The following IFNG-AS1 variants were observed in gnomAD, a reference collection of about 807,000 sequenced individuals.
IFNG-AS1 encodes the protein IFNG regulatory antisense RNA 1, also known as IFNG antisense RNA 1 (non-protein coding).
chr12:68,016,142 T>G (rs569283426), intron 3 of IFNG-AS1, among the ~76,000 whole-genome samples: 4 of 152,260 alleles, frequency 2.6e-5, no homozygotes, highest in African/African-American at 9.6e-5. Context: ...GAAAACATTT[T>G]TATCAATTAT....
At chr12:68,013,140 A>G (rs919204940) in intron 3 of IFNG-AS1, among the ~76,000 whole-genome samples, 1 of 152,228 alleles carries the variant, frequency 6.6e-6, no homozygotes, top group South Asian at 2.1e-4. Flanking sequence ...CACTGAATAT[A>G]TCATTATCCA....
At chr12:68,005,047 T>C (rs552033261) in intron 2 of IFNG-AS1, among the ~76,000 whole-genome samples, 1 of 152,302 alleles carries the variant, frequency 6.6e-6, no homozygotes, top group East Asian at 1.9e-4. Flanking sequence ...GCAATCATGG[T>C]GGACAAGGTG....
chr12:68,009,087 G>T (rs1025519261), intron 3 of IFNG-AS1, among the ~76,000 whole-genome samples: 2 of 152,140 alleles, frequency 1.3e-5, no homozygotes, highest in South Asian at 4.1e-4. Flanking sequence ...TTGTGCCTTG[G>T]TTTCTTCAGT....
chr12:68,003,132 C>A (rs1331323181), intron 2 of IFNG-AS1, among the ~76,000 whole-genome samples: 1 of 152,118 alleles, frequency 6.6e-6, no homozygotes, highest in Non-Finnish European at 1.5e-5. Flanking sequence ...TTGCTAGAGT[C>A]CATTTCTGAC....
chr12:67,999,514 C>G (rs924326537), intron 2 of IFNG-AS1, among the ~76,000 whole-genome samples: 4 of 152,090 alleles, frequency 2.6e-5, no homozygotes, highest in African/African-American at 9.7e-5. Flanking sequence ...CAGAAGCCAA[C>G]TTGAAGGGGC....
intron 2 of IFNG-AS1, among the ~76,000 whole-genome samples, chr12:68,005,388 G>GCACACGTGCATACACATGCACA (rs1470879428): frequency 1.3e-5 from 2 of 152,094 alleles, no homozygotes; most frequent in East Asian, 1.9e-4. Context: ...ACACATGCAT[G>GCACACGTGCATACACATGCACA]CACACGTGCA....
intron 2 of IFNG-AS1, among the ~76,000 whole-genome samples, chr12:68,003,814 G>A (rs1229475345): frequency 6.6e-6 from 1 of 151,738 alleles, no homozygotes; most frequent in African/African-American, 2.4e-5. Context: ...GGCTGAGGCA[G>A]GAGAATGACG....
intron 3 of IFNG-AS1, among the ~76,000 whole-genome samples, chr12:68,011,779 C>A (rs1410562882): frequency 6.6e-6 from 1 of 152,156 alleles, no homozygotes; most frequent in Non-Finnish European, 1.5e-5. Flanking sequence ...GGTGTTGGGG[C>A]CTCACCGAGG....
intron 3 of IFNG-AS1, among the ~76,000 whole-genome samples, chr12:68,019,186 G>A (rs1212358684): frequency 6.6e-6 from 1 of 151,838 alleles, no homozygotes; most frequent in Non-Finnish European, 1.5e-5. Flanking sequence ...AGCAGATCTG[G>A]GTCTAAATCC....
At chr12:67,994,699 T>C (rs139423254) in intron 1 of IFNG-AS1, among the ~76,000 whole-genome samples, 74 of 152,342 alleles carry the variant, frequency 4.9e-4, no homozygotes, top group Non-Finnish European at 7.9e-4. Flanking sequence ...AGGGATCTTA[T>C]CTGGATGATG....
intron 2 of IFNG-AS1, among the ~76,000 whole-genome samples, chr12:68,004,074 C>T (rs1225681901): frequency 3.3e-5 from 5 of 151,938 alleles, no homozygotes; most frequent in East Asian, 1.9e-4. Flanking sequence ...GCCATGCCCC[C>T]TCACACCTGA....
intron 3 of IFNG-AS1, among the ~76,000 whole-genome samples, chr12:68,019,616 C>G (rs1880239006): frequency 6.6e-6 from 1 of 152,118 alleles, no homozygotes; most frequent in Non-Finnish European, 1.5e-5. Context: ...AGAGGGGCAC[C>G]CACACTAGAG....
chr12:67,997,012 A>G (rs1454570478), intron 2 of IFNG-AS1, among the ~76,000 whole-genome samples: 1 of 152,130 alleles, frequency 6.6e-6, no homozygotes, highest in Non-Finnish European at 1.5e-5. Flanking sequence ...CATTACATAG[A>G]TAACTTACTA....
chr12:67,997,898 T>A (rs1176148886), intron 2 of IFNG-AS1, among the ~76,000 whole-genome samples: 1 of 152,008 alleles, frequency 6.6e-6, no homozygotes, highest in Non-Finnish European at 1.5e-5. Flanking sequence ...TAGCAAAAAA[T>A]GTTTAATATC....
chr12:68,020,301 G>A (rs144679500), intron 4 of IFNG-AS1: 2 of 152,190 alleles, frequency 1.3e-5, no homozygotes, highest in Non-Finnish European at 2.9e-5. Context: ...AAAGGAAAGT[G>A]TATAATCAGG....
chr12:68,010,750 G>A (rs920564875), intron 3 of IFNG-AS1, among the ~76,000 whole-genome samples: 1 of 152,080 alleles, frequency 6.6e-6, no homozygotes, highest in African/African-American at 2.4e-5. Context: ...CCACATATTA[G>A]GGAAGTGAGA....
chr12:68,004,855 G>T (rs751129086), intron 2 of IFNG-AS1, among the ~76,000 whole-genome samples: 1 of 152,030 alleles, frequency 6.6e-6, no homozygotes, highest in Admixed American at 6.6e-5. Flanking sequence ...TTTTCTTAGC[G>T]GGATGCATAT....
At chr12:67,996,661 A>G (rs1879648853) in intron 2 of IFNG-AS1, among the ~76,000 whole-genome samples, 1 of 152,200 alleles carries the variant, frequency 6.6e-6, no homozygotes. Flanking sequence ...CTCTCTTTCA[A>G]ATGGAAGCTA....
At chr12:67,994,796 C>T (rs1284585472) in intron 1 of IFNG-AS1, among the ~76,000 whole-genome samples, 1 of 152,134 alleles carries the variant, frequency 6.6e-6, no homozygotes, top group South Asian at 2.1e-4. Context: ...GAAAGTGATC[C>T]ACCGCAGATT....
Sources: gnomAD v4.1 joint callset for allele counts (sites outside exome capture counted in the v4.1 genomes callset) on GRCh38, gnomAD v4.1.1 for gene constraint, MANE v1.5 for transcripts, NCBI Gene and HGNC (gene_info 2026-07-23, HGNC 2026-07-21) for gene names.